The following CSMD1 variants were observed in gnomAD, a reference collection of about 807,000 sequenced individuals.
CSMD1 encodes CUB and sushi domain-containing protein 1.
A neutral mutation model predicts 417.5 loss-of-function variants in CSMD1; 213 were observed. That is an observed-to-expected ratio of 0.51 (90% CI 0.46 to 0.57). CSMD1 has a LOEUF of 0.57. Among genes scored for constraint, CSMD1 ranks in the 20% least tolerant of loss-of-function variants. The pLI, the probability that CSMD1 is intolerant of heterozygous loss-of-function variation, is 0.00. For synonymous variants in CSMD1, 2,862 were observed against 1,736.8 expected (o/e 1.65, Z -16.11); for missense variants, 6,923 against 4,529.7 (o/e 1.53, Z -15.17).
chr8:4,907,085 T>C (rs1018080776), intron 1 of CSMD1, among the ~76,000 whole-genome samples: 1 of 152,246 alleles, frequency 6.6e-6, no homozygotes, highest in Non-Finnish European at 1.5e-5. Flanking sequence ...GTTTGGTATG[T>C]AACAAGCCAC....
intron 54 of CSMD1, among the ~76,000 whole-genome samples, chr8:2,982,177 G>A (rs1001263402): frequency 7.9e-5 from 12 of 152,044 alleles, no homozygotes; most frequent in Admixed American, 2.0e-4. Context: ...CCAACACGGC[G>A]AAACCCCATC....
chr8:4,532,731 T>C (rs945404067), intron 2 of CSMD1, among the ~76,000 whole-genome samples: 5 of 126,258 alleles, frequency 4.0e-5, no homozygotes, highest in African/African-American at 1.5e-4. Flanking sequence ...ATTCAGTCAC[T>C]CCAGAAAAGA....
At position 3,999,052 on chromosome 8, in the gene CSMD1, TTATA is replaced by T. The variant is rs1178224124; in HGVS notation, c.611-946_611-943del. Reference sequence around the variant, plus strand: ...ACTTTATATACTATATATAGCTATGTTATATATATAAATTACATATATGAGAGAG... The same window carrying T: ...ACTTTATATACTATATATAGCTATGTTATATAAATTACATATATGAGAGAG... On this transcript the variant is annotated intron_variant, in intron 4 of 69. Transcript: ENST00000635120. Among the ~76,000 whole-genome samples, 4 of 150,220 alleles carry T rather than the reference TTATA, an allele frequency of 2.7e-5. No individual in the cohort carries two copies. The South Asian group carries it at 6.2e-4, about 23-fold the overall frequency.
chr8:4,649,555 G>A (rs770169076), intron 1 of CSMD1, among the ~76,000 whole-genome samples: 1 of 152,062 alleles, frequency 6.6e-6, no homozygotes, highest in Non-Finnish European at 1.5e-5. Flanking sequence ...ATTTAGAAAT[G>A]ATATAGTATT....
intron 2 of CSMD1, among the ~76,000 whole-genome samples, chr8:4,607,661 C>T (rs1452380737): frequency 2.0e-5 from 3 of 152,028 alleles, no homozygotes. Context: ...TGGCACTACA[C>T]TTCCAAAAAA....
chr8:3,157,128 C>T (rs1819585717), intron 39 of CSMD1, among the ~76,000 whole-genome samples: 1 of 152,060 alleles, frequency 6.6e-6, no homozygotes, highest in Non-Finnish European at 1.5e-5. Context: ...GACCATGATC[C>T]TACTGAGACA....
intron 2 of CSMD1, among the ~76,000 whole-genome samples, chr8:4,479,940 T>A (rs1261432014): frequency 6.7e-6 from 1 of 148,726 alleles, no homozygotes; most frequent in Non-Finnish European, 1.5e-5. Context: ...CATTCCAGCC[T>A]GGGTGACACA....
intron 2 of CSMD1, among the ~76,000 whole-genome samples, chr8:4,450,244 A>C (rs752946592): frequency 9.2e-5 from 14 of 152,186 alleles, no homozygotes; most frequent in Non-Finnish European, 2.1e-4. Context: ...GAAAGCAAAG[A>C]GACAGTGTCT....
chr8:2,946,400 C>T (rs926738910), intron 68 of CSMD1, among the ~76,000 whole-genome samples: 1 of 152,162 alleles, frequency 6.6e-6, no homozygotes, highest in Non-Finnish European at 1.5e-5. Flanking sequence ...CTACCTTCAT[C>T]CCAACCTTCA....
rs1352690199 is a variant in CSMD1 at position 3,586,791 on chromosome 8, C to T, written c.1098-531G>A. Among the ~76,000 whole-genome samples the T allele has an allele frequency of 2.0e-5, 3 of 151,976 alleles. No homozygotes were observed. In the East Asian group the frequency reaches 5.8e-4, roughly 29 times the overall value. The stretch of plus-strand genomic sequence containing the variant: ...TATAGGAACAGAATATTTTACTTTT[C>T]TTTTGTTTGTTTGTTTGTTTTGTTT... On this transcript the variant is annotated intron_variant, in intron 8 of 69. Transcript: ENST00000635120.
At chr8:4,695,124 C>T (rs530535512) in intron 1 of CSMD1, among the ~76,000 whole-genome samples, 38 of 152,242 alleles carry the variant, frequency 2.5e-4, no homozygotes, top group African/African-American at 8.4e-4. Flanking sequence ...GAACTTCGAC[C>T]ACCGTGACTT....
chr8:4,593,530 T>C (rs920766569), intron 2 of CSMD1, among the ~76,000 whole-genome samples: 14 of 152,182 alleles, frequency 9.2e-5, no homozygotes, highest in Non-Finnish European at 2.1e-4. Context: ...AAATAGCCCA[T>C]AAAGTGACTA....
chr8:4,158,645 G>A (rs957458528), intron 3 of CSMD1, among the ~76,000 whole-genome samples: 13 of 152,204 alleles, frequency 8.5e-5, no homozygotes, highest in Admixed American at 2.6e-4. Context: ...GTTGCTGGTG[G>A]TAGTGGAAGA....
chr8:3,049,759 G>A (rs376791715), intron 50 of CSMD1, among the ~76,000 whole-genome samples: 1 of 152,054 alleles, frequency 6.6e-6, no homozygotes, highest in African/African-American at 2.4e-5. Context: ...TCATGTGAAC[G>A]CTGGGCTCTG....
At chr8:3,468,091 T>C (rs78382429) in intron 12 of CSMD1, among the ~76,000 whole-genome samples, 35 of 152,296 alleles carry the variant, frequency 2.3e-4, no homozygotes, top group Admixed American at 1.1e-3. Context: ...CACAACTATA[T>C]AGACAATCAG....
At chr8:3,302,126 C>G (rs1362804607) in intron 25 of CSMD1, among the ~76,000 whole-genome samples, 3 of 151,922 alleles carry the variant, frequency 2.0e-5, no homozygotes, top group African/African-American at 4.8e-5. Flanking sequence ...GACAGTAACA[C>G]AAATAGGGAA....
chr8:3,728,317 G>T (rs1802616978), intron 6 of CSMD1, among the ~76,000 whole-genome samples: 1 of 152,040 alleles, frequency 6.6e-6, no homozygotes. Context: ...CACCATGACT[G>T]TGAGGCCTCC....
At chr8:4,349,775 G>C (rs1223492279) in intron 3 of CSMD1, among the ~76,000 whole-genome samples, 2 of 149,476 alleles carry the variant, frequency 1.3e-5, no homozygotes, top group African/African-American at 4.9e-5. Flanking sequence ...CCTCCATTAA[G>C]ATATTTATTT....
rs59708575 is a variant in CSMD1, at chr8:3,832,743, A to T, written c.819-78701T>A. ...AGGACTTACACCATGATGACTTCTG[A>T]TAACTAAAATATGATCAGATTTTTA... is the stretch of plus-strand genomic sequence containing the variant. On this transcript the variant is annotated intron_variant, in intron 5 of 69. Transcript: ENST00000635120. Among the ~76,000 whole-genome samples the T allele has an allele frequency of 9.5e-3, 1,440 of 152,300 alleles. 35 individuals are homozygous for T. The highest frequency in any genetic ancestry group is 0.032 in the African/African-American group (1,310 of 41,570).
Sources: gnomAD v4.1 joint callset for allele counts (sites outside exome capture counted in the v4.1 genomes callset) on GRCh38, gnomAD v4.1.1 for gene constraint, MANE v1.5 for transcripts, NCBI Gene and HGNC (gene_info 2026-07-23, HGNC 2026-07-21) for gene names.